ULK4: variants seen among roughly 807,000 people sequenced by gnomAD.
The protein encoded by ULK4 is inactive serine/threonine-protein kinase ULK4.
ULK4 carries 133 observed loss-of-function variants against 160.6 expected under a neutral mutation model. That is an observed-to-expected ratio of 0.83 (90% CI 0.72 to 0.96). ULK4 has a LOEUF of 0.96. Ranked by LOEUF, ULK4 falls within the 40% of genes least tolerant of loss-of-function variation. The pLI is 0.00. For missense variants in ULK4, 1,580 were observed against 1,499.5 expected (o/e 1.05, Z -0.89); for synonymous variants, 534 against 539.8 (o/e 0.99, Z 0.15).
intron 1 of ULK4, among the ~76,000 whole-genome samples, chr3:41,961,217 C>A (rs1700654457): frequency 6.6e-6 from 1 of 152,314 alleles, no homozygotes; most frequent in African/African-American, 2.4e-5. Flanking sequence ...TGAGAGCGAA[C>A]AGGTGATAAG....
chr3:41,408,342 G>A (rs1241496383), intron 34 of ULK4, among the ~76,000 whole-genome samples: 2 of 149,774 alleles, frequency 1.3e-5, no homozygotes, highest in East Asian at 2.0e-4. Context: ...GCAGGAGAAT[G>A]GCGTGAACCC....
intron 22 of ULK4, among the ~76,000 whole-genome samples, chr3:41,737,460 A>G (rs2038094648): frequency 6.6e-6 from 1 of 151,888 alleles, no homozygotes; most frequent in Non-Finnish European, 1.5e-5. Context: ...TATAGATTCA[A>G]TGCCATCCCC....
At chr3:41,897,542 CTATCTT>C (rs1698204138) in intron 14 of ULK4, among the ~76,000 whole-genome samples, 1 of 152,134 alleles carries the variant, frequency 6.6e-6, no homozygotes, top group Non-Finnish European at 1.5e-5. Context: ...TGGCTGATCT[CTATCTT>C]TAGACAAAAT....
At chr3:41,248,537 A>G (rs1201636477) in intron 36 of ULK4, among the ~76,000 whole-genome samples, 1 of 152,234 alleles carries the variant, frequency 6.6e-6, no homozygotes, top group Non-Finnish European at 1.5e-5. Context: ...ATTAAATACA[A>G]AAGGCTGATT....
At chr3:41,456,699 CCT>C (rs928607930) in intron 33 of ULK4, among the ~76,000 whole-genome samples, 21 of 152,300 alleles carry the variant, frequency 1.4e-4, no homozygotes, top group African/African-American at 4.3e-4. Flanking sequence ...AGACGCCCTT[CCT>C]CTCTGTTTTT....
chr3:41,350,372 T>C (rs760256550), intron 35 of ULK4, among the ~76,000 whole-genome samples: 1 of 152,236 alleles, frequency 6.6e-6, no homozygotes, highest in African/African-American at 2.4e-5. Flanking sequence ...TTTTATTTCA[T>C]TGGAAGTTTA....
chr3:41,431,944 C>T (rs1422193432), intron 34 of ULK4, among the ~76,000 whole-genome samples: 1 of 151,870 alleles, frequency 6.6e-6, no homozygotes, highest in East Asian at 1.9e-4. Context: ...CGCCGGCCAC[C>T]ACGCCCGGCT....
At chr3:41,430,624 G>C (rs73828022) in intron 34 of ULK4, among the ~76,000 whole-genome samples, 1,647 of 152,310 alleles carry the variant, frequency 0.011, 23 homozygotes, top group African/African-American at 0.038. Context: ...TTCACAAAGA[G>C]AGTTTATTAC....
chr3:41,326,865 C>T (rs2080348470), intron 35 of ULK4, among the ~76,000 whole-genome samples: 1 of 152,138 alleles, frequency 6.6e-6, no homozygotes, highest in Non-Finnish European at 1.5e-5. Flanking sequence ...GAGGGACCCC[C>T]GACTCAGCAG....
At chr3:41,413,979 C>T (rs559756537) in intron 34 of ULK4, among the ~76,000 whole-genome samples, 124 of 152,216 alleles carry the variant, frequency 8.1e-4, no homozygotes, top group African/African-American at 2.8e-3. Flanking sequence ...CCGAGGCAGG[C>T]GGATCACCTG....
At chr3:41,887,794 C>T (rs1283612329) in intron 16 of ULK4, among the ~76,000 whole-genome samples, 2 of 151,592 alleles carry the variant, frequency 1.3e-5, no homozygotes, top group African/African-American at 2.4e-5. Flanking sequence ...ACTGCACTCC[C>T]GCCTGGGTGA....
intron 21 of ULK4, among the ~76,000 whole-genome samples, chr3:41,781,695 C>G (rs914756698): frequency 6.6e-6 from 1 of 152,096 alleles, no homozygotes; most frequent in African/African-American, 2.4e-5. Context: ...TCCCAGCACT[C>G]TGGGAGGCTG....
intron 35 of ULK4, among the ~76,000 whole-genome samples, chr3:41,257,832 G>A (rs774830560): frequency 9.2e-5 from 14 of 152,146 alleles, no homozygotes; most frequent in East Asian, 7.7e-4. Context: ...CAAGGAAGTC[G>A]TCATGCATTA....
chr3:41,914,888 C>A (rs1030185683), intron 8 of ULK4: 1 of 152,146 alleles, frequency 6.6e-6, no homozygotes, highest in African/African-American at 2.4e-5. Context: ...GATGGTGGCA[C>A]GCGCCTGAAA....
chr3:41,585,206 C>A (rs2030699778), intron 31 of ULK4, among the ~76,000 whole-genome samples: 1 of 151,894 alleles, frequency 6.6e-6, no homozygotes, highest in Non-Finnish European at 1.5e-5. Context: ...CTAAAAAAGC[C>A]AAAAAATCTT....
At chr3:41,961,659 C>A (rs1700678133) in intron 1 of ULK4, among the ~76,000 whole-genome samples, 1 of 151,436 alleles carries the variant, frequency 6.6e-6, no homozygotes, top group Non-Finnish European at 1.5e-5. Context: ...CGGCTGGGAG[C>A]CTAGGAAGCG....
At chr3:41,636,929 A>G (rs939248352) in intron 30 of ULK4, among the ~76,000 whole-genome samples, 12 of 152,208 alleles carry the variant, frequency 7.9e-5, no homozygotes, top group African/African-American at 2.9e-4. Flanking sequence ...CACAAAGGAC[A>G]CACTAATCTG....
At chr3:41,418,159 C>A (rs942491083) in intron 34 of ULK4, among the ~76,000 whole-genome samples, 1 of 152,110 alleles carries the variant, frequency 6.6e-6, no homozygotes, top group African/African-American at 2.4e-5. Flanking sequence ...GGGTTAGGAG[C>A]ATTAACCCTC....
At chr3:41,760,109 T>A (rs1008729012) in intron 21 of ULK4, among the ~76,000 whole-genome samples, 7 of 151,956 alleles carry the variant, frequency 4.6e-5, no homozygotes, top group African/African-American at 1.7e-4. Flanking sequence ...AAGAAAAAAA[T>A]TTTAATGAAC....
Sources: allele counts gnomAD v4.1 joint callset (sites outside exome capture counted in the v4.1 genomes callset), GRCh38; gene constraint gnomAD v4.1.1; transcripts MANE v1.5; gene names NCBI Gene and HGNC (gene_info 2026-07-23, HGNC 2026-07-21).